Variants in ATG10 observed in about 807,000 individuals in gnomAD.
ATG10 encodes the protein autophagy related 10.
In ATG10, 30 loss-of-function variants were observed where a neutral mutation model predicts 32.1. That is an observed-to-expected ratio of 0.94 (90% CI 0.70 to 1.27). The LOEUF (loss-of-function observed/expected upper bound fraction) is 1.27. Among genes scored for constraint, ATG10 ranks in the 50% most tolerant of loss-of-function variants. ATG10 has a pLI of 0.00. For missense variants in ATG10, 233 were observed against 262.3 expected (o/e 0.89, Z 0.77); for synonymous variants, 87 against 91.5 (o/e 0.95, Z 0.28).
intron 3 of ATG10, among the ~76,000 whole-genome samples, chr5:82,118,029 T>G (rs187613526): frequency 2.0e-5 from 3 of 152,036 alleles, no homozygotes; most frequent in African/African-American, 7.2e-5. Context: ...AGCCTTGTAT[T>G]GAGCAAGACA....
At chr5:81,993,344 T>C (rs145355502) in intron 2 of ATG10, among the ~76,000 whole-genome samples, 514 of 38,956 alleles carry the variant, frequency 0.013, 1 homozygote, top group African/African-American at 0.039. Context: ...TCCTTCTTTC[T>C]TTCTTTCTTT....
At chr5:82,166,745 C>T (rs999918923) in intron 4 of ATG10, among the ~76,000 whole-genome samples, 6 of 152,026 alleles carry the variant, frequency 3.9e-5, no homozygotes, top group South Asian at 2.1e-4. Flanking sequence ...ATTCCAGGCC[C>T]GGATTTTTCT....
At chr5:82,083,419 A>G (rs1056976284) in intron 3 of ATG10, among the ~76,000 whole-genome samples, 2 of 152,218 alleles carry the variant, frequency 1.3e-5, no homozygotes, top group Admixed American at 1.3e-4. Flanking sequence ...GCATAGCTGA[A>G]CAAAAGGTAG....
intron 5 of ATG10, among the ~76,000 whole-genome samples, chr5:82,182,223 T>C (rs1263778390): frequency 6.6e-6 from 1 of 152,156 alleles, no homozygotes; most frequent in African/African-American, 2.4e-5. Context: ...ATTCTTTTTT[T>C]GAACTTTATA....
rs181498301 is a variant in ATG10 at position 82,253,759 on chromosome 5, C to T, written c.*5-309C>T. 1.2e-4 allele frequency among the ~76,000 whole-genome samples: 18 copies of T among 152,288 alleles called. No individual in the cohort carries two copies. The South Asian group carries it at 1.5e-3, about 12-fold the overall frequency. On this transcript the variant is annotated intron_variant, in intron 7 of 7. Transcript: ENST00000282185. ...GGAATGTGAACCCTATTGTGAACTG[C>T]GCATCTGAGGGACCTAGGTTGCGCG...
intron 2 of ATG10, among the ~76,000 whole-genome samples, chr5:82,013,585 T>G (rs1422908089): frequency 1.3e-5 from 2 of 152,164 alleles, no homozygotes; most frequent in Non-Finnish European, 1.5e-5. Context: ...TCCCCACACG[T>G]TTTCCATAGT....
chr5:82,033,850 G>A (rs1252757295), intron 2 of ATG10, among the ~76,000 whole-genome samples: 1 of 150,014 alleles, frequency 6.7e-6, no homozygotes, highest in Non-Finnish European at 1.5e-5. Context: ...CTATACATAG[G>A]TATAGATGTA....
intron 5 of ATG10, among the ~76,000 whole-genome samples, chr5:82,200,478 T>C (rs557168792): frequency 0.06 from 7,797 of 130,298 alleles, 214 homozygotes; most frequent in South Asian, 0.13. Flanking sequence ...TTTTTTTTTT[T>C]TTTTTTTTTT....
Position 82,051,460 on chromosome 5 carries a change from G to A in ATG10, c.109-7035G>A, listed in dbSNP as rs550847967. On this transcript the variant is annotated intron_variant, in intron 2 of 7. Coordinates refer to ENST00000282185, the MANE Select transcript of ATG10 (RefSeq NM_031482.5). ...AGGACCAAGGGAAAATTAAAGACGT[G>A]CAAATTTCTTTATCAAAGATGAAAT... 1.1e-3 allele frequency among the ~76,000 whole-genome samples: 175 copies of A among 152,208 alleles called. 2 individuals are homozygous for A. The highest frequency in any genetic ancestry group is 2.2e-3 in the Admixed American group (34 of 15,262).
At chr5:82,050,839 CAAAAAAA>C (rs71000881) in intron 2 of ATG10, among the ~76,000 whole-genome samples, 77 of 36,298 alleles carry the variant, frequency 2.1e-3, no homozygotes, top group African/African-American at 8.4e-3. Context: ...CCATCTCTAC[CAAAAAAA>C]AAAAAAAAAA....
chr5:82,003,834 TAATA>T (rs1761916270), intron 2 of ATG10, among the ~76,000 whole-genome samples: 1 of 152,176 alleles, frequency 6.6e-6, no homozygotes, highest in Non-Finnish European at 1.5e-5. Flanking sequence ...CAATTTTATC[TAATA>T]AATATAAAAG....
chr5:82,231,376 T>C (rs535407725), intron 5 of ATG10, among the ~76,000 whole-genome samples: 46 of 152,202 alleles, frequency 3.0e-4, no homozygotes, highest in Non-Finnish European at 5.0e-4. Flanking sequence ...TTTTTAAAAA[T>C]AAGAAGTTGT....
chr5:82,175,856 GTGTTTAT>G (rs1743994479), intron 4 of ATG10, among the ~76,000 whole-genome samples: 1 of 151,334 alleles, frequency 6.6e-6, no homozygotes, highest in Non-Finnish European at 1.5e-5. Flanking sequence ...CTTGTTTATT[GTGTTTAT>G]TGTTTATTTT....
At chr5:82,122,168 C>T (rs1426166234) in intron 3 of ATG10, among the ~76,000 whole-genome samples, 1 of 151,926 alleles carries the variant, frequency 6.6e-6, no homozygotes, top group African/African-American at 2.4e-5. Context: ...AATTTTGGAG[C>T]TGTTATTGGT....
chr5:82,028,665 T>C (rs1762659745), intron 2 of ATG10, among the ~76,000 whole-genome samples: 1 of 152,242 alleles, frequency 6.6e-6, no homozygotes, highest in African/African-American at 2.4e-5. Context: ...CACTGTTTCA[T>C]ACTAAAGTGC....
At chr5:82,218,309 G>A (rs1207946248) in intron 5 of ATG10, among the ~76,000 whole-genome samples, 1 of 152,122 alleles carries the variant, frequency 6.6e-6, no homozygotes, top group East Asian at 1.9e-4. Context: ...GATTCAAAAT[G>A]CTTTTTTGTC....
chr5:82,021,419 G>C (rs950994440), intron 2 of ATG10, among the ~76,000 whole-genome samples: 3 of 152,272 alleles, frequency 2.0e-5, no homozygotes, highest in South Asian at 2.1e-4. Context: ...AAATGGTTTA[G>C]TAGTTGCATA....
At chr5:82,009,669 A>G in intron 2 of ATG10, 1 of 1,587,922 alleles carries the variant, frequency 6.3e-7, no homozygotes, top group South Asian at 1.1e-5. Context: ...AAAGCACTCC[A>G]TGACCTCCAC....
chr5:82,083,497 C>G (rs1181443570), intron 3 of ATG10, among the ~76,000 whole-genome samples: 1 of 152,188 alleles, frequency 6.6e-6, no homozygotes, highest in African/African-American at 2.4e-5. Flanking sequence ...CCTCCCAGCA[C>G]AGAGTTTGAG....
Sources: allele counts gnomAD v4.1 joint callset (sites outside exome capture counted in the v4.1 genomes callset), GRCh38; gene constraint gnomAD v4.1.1; transcripts MANE v1.5; gene names NCBI Gene and HGNC (gene_info 2026-07-23, HGNC 2026-07-21).